AKAP7: variants seen among roughly 807,000 people sequenced by gnomAD.
AKAP7 encodes A-kinase anchoring protein 7, also known as A kinase (PRKA) anchor protein 7.
AKAP7 carries 39 observed loss-of-function variants against 39.5 expected under a neutral mutation model. That is an observed-to-expected ratio of 0.99 (90% CI 0.76 to 1.29). The LOEUF (loss-of-function observed/expected upper bound fraction) is 1.29. Among genes scored for constraint, AKAP7 ranks in the 50% most tolerant of loss-of-function variants. AKAP7 has a pLI of 0.00. For missense variants in AKAP7, 414 were observed against 407.7 expected (o/e 1.02, Z -0.13); for synonymous variants, 140 against 139.1 (o/e 1.01, Z -0.05).
intron 7 of AKAP7, among the ~76,000 whole-genome samples, chr6:131,269,634 AAAC>A (rs1814107501): frequency 6.6e-6 from 1 of 152,220 alleles, no homozygotes; most frequent in African/African-American, 2.4e-5. Flanking sequence ...AAGGAGATTT[AAAC>A]AACAGAGTGA....
chr6:131,135,707 C>G lies in AKAP7; in HGVS notation c.-57C>G. On this transcript the variant is annotated 5_prime_UTR_variant, in exon 1 of 8. Transcript: ENST00000431975. ...CGGCCTCGCCTCCAGCCCCGGGACGCGGCCCGCCACCGCCGCTGCCGCCAG... is the reference window on the plus strand; with the variant it reads ...CGGCCTCGCCTCCAGCCCCGGGACGGGGCCCGCCACCGCCGCTGCCGCCAG... 8.5e-7 allele frequency: 1 copy of G among 1,178,990 alleles called. No homozygotes were observed. Among genetic ancestry groups the G allele is most frequent in the Non-Finnish European group, 1.0e-6 (1 of 956,350 alleles). 73.0% of individuals were successfully genotyped at this position (1,178,990 alleles called of 1,614,324 possible).
chr6:131,215,382 A>G (rs1171685459), intron 6 of AKAP7, among the ~76,000 whole-genome samples: 4 of 152,200 alleles, frequency 2.6e-5, no homozygotes, highest in East Asian at 3.9e-4. Flanking sequence ...TGAAATCACC[A>G]TGCTATTCTG....
chr6:131,249,309 A>G (rs963729899), intron 7 of AKAP7, among the ~76,000 whole-genome samples: 2 of 152,232 alleles, frequency 1.3e-5, no homozygotes, highest in African/African-American at 4.8e-5. Flanking sequence ...GAAAAAAAGC[A>G]TTGAAAACAG....
At chr6:131,269,510 G>A (rs547069789) in intron 7 of AKAP7, among the ~76,000 whole-genome samples, 24 of 152,256 alleles carry the variant, frequency 1.6e-4, no homozygotes, top group Admixed American at 5.2e-4. Flanking sequence ...GGAAACCACC[G>A]TGGTTACCAT....
intron 5 of AKAP7, among the ~76,000 whole-genome samples, chr6:131,196,947 A>G (rs1806995102): frequency 6.6e-6 from 1 of 152,086 alleles, no homozygotes; most frequent in African/African-American, 2.4e-5. Flanking sequence ...CTATCCATAT[A>G]TATGTATTAT....
intron 7 of AKAP7, among the ~76,000 whole-genome samples, chr6:131,276,928 CTT>C (rs1009295264): frequency 2.0e-5 from 3 of 152,078 alleles, no homozygotes; most frequent in African/African-American, 2.4e-5. Flanking sequence ...TCAACTCACA[CTT>C]AAGACCAGCT....
At position 131,277,551 on chromosome 6, in the gene AKAP7, A is replaced by G. The variant is rs552905579; in HGVS notation, c.851-3979A>G. Among the ~76,000 whole-genome samples, 16 of 152,382 alleles carry G rather than the reference A, an allele frequency of 1.0e-4. No homozygotes were observed. The South Asian group carries it at 2.3e-3, about 22-fold the overall frequency. On this transcript the variant is annotated intron_variant, in intron 7 of 7. Transcript: ENST00000431975. Reference sequence around the variant, plus strand: ...TAGCCATTTGTCTGAGAGCTCACTGAGAGACAGATACTTGTCAGGTAGTTG... The same window carrying G: ...TAGCCATTTGTCTGAGAGCTCACTGGGAGACAGATACTTGTCAGGTAGTTG...
At chr6:131,191,275 ATGAGGTTCTT>A (rs1180379441) in intron 5 of AKAP7, among the ~76,000 whole-genome samples, 1 of 152,228 alleles carries the variant, frequency 6.6e-6, no homozygotes, top group East Asian at 1.9e-4. Flanking sequence ...ATATTTCAAC[ATGAGGTTCTT>A]TTAAAACAGT....
chr6:131,210,680 A>G (rs1305995822), intron 6 of AKAP7, among the ~76,000 whole-genome samples: 1 of 152,206 alleles, frequency 6.6e-6, no homozygotes, highest in Admixed American at 6.5e-5. Context: ...AACTTTATTT[A>G]GAGCAGAATA....
intron 5 of AKAP7, among the ~76,000 whole-genome samples, chr6:131,171,554 T>C (rs1416781837): frequency 3.3e-5 from 5 of 152,018 alleles, no homozygotes; most frequent in Non-Finnish European, 5.9e-5. Context: ...GCAGTGAAGG[T>C]AAAATAAGGG....
At chr6:131,235,112 G>T (rs937982188) in intron 7 of AKAP7, among the ~76,000 whole-genome samples, 3 of 151,794 alleles carry the variant, frequency 2.0e-5, no homozygotes, top group African/African-American at 7.3e-5. Flanking sequence ...CTGTGTCTAT[G>T]TGTTCTCATT....
At chr6:131,155,792 A>G (rs1039225307) in intron 2 of AKAP7, among the ~76,000 whole-genome samples, 3 of 152,180 alleles carry the variant, frequency 2.0e-5, no homozygotes, top group South Asian at 4.1e-4. Flanking sequence ...ATTTAACACC[A>G]CTGAAGTTTA....
chr6:131,143,278 A>G (rs974585683), intron 1 of AKAP7, among the ~76,000 whole-genome samples: 28 of 152,094 alleles, frequency 1.8e-4, no homozygotes, highest in African/African-American at 6.5e-4. Flanking sequence ...GTAATCCCCA[A>G]TGTTGGAGAT....
intron 6 of AKAP7, among the ~76,000 whole-genome samples, chr6:131,216,491 A>G (rs1190608797): frequency 6.6e-6 from 1 of 152,208 alleles, no homozygotes; most frequent in African/African-American, 2.4e-5. Context: ...TTGAGTGCCA[A>G]GTTACAACCA....
intron 6 of AKAP7, among the ~76,000 whole-genome samples, chr6:131,215,681 A>G (rs1387288162): frequency 2.6e-5 from 4 of 152,268 alleles, no homozygotes; most frequent in Admixed American, 2.6e-4. Context: ...TAATGTTTTC[A>G]TAACTTTGAA....
Position 131,219,760 on chromosome 6 carries a change from A to G in AKAP7, c.802A>G (p.Lys268Glu). The G allele has an allele frequency of 6.3e-7, 1 of 1,595,684 alleles. No homozygotes were observed. The highest frequency in any genetic ancestry group is 8.5e-7 in the Non-Finnish European group (1 of 1,172,076). ...CATAGATCTTTGCTCCATGCTGAAG[A>G]AAAAACAAAGTAATGGTTATTATCA... ...YRIDLCSMLK[K>E]KQSNGYYHCE... Residue 268 changes from lysine (K) to glutamate (E), a missense_variant, in exon 7 of 8, where the codon AAA becomes GAA. Coordinates refer to ENST00000431975, the MANE Select transcript of AKAP7 (RefSeq NM_016377.4).
intron 7 of AKAP7, among the ~76,000 whole-genome samples, chr6:131,256,708 C>CATTATTATT (rs3836928): frequency 0.03 from 4,499 of 148,462 alleles, 103 homozygotes; most frequent in East Asian, 0.08. Context: ...CTTCCTGGGA[C>CATTATTATT]ATTATTATTA....
intron 7 of AKAP7, among the ~76,000 whole-genome samples, chr6:131,275,078 T>C (rs1329597306): frequency 6.6e-6 from 1 of 152,240 alleles, no homozygotes; most frequent in Non-Finnish European, 1.5e-5. Context: ...CTGTATCTTA[T>C]TCATTTTTAC....
At chr6:131,189,889 GA>G (rs1319822528) in intron 5 of AKAP7, among the ~76,000 whole-genome samples, 3 of 152,158 alleles carry the variant, frequency 2.0e-5, no homozygotes, top group Non-Finnish European at 4.4e-5. Flanking sequence ...TGTGTTTTGT[GA>G]TTTTTGGTTT....
Sources: gnomAD v4.1 joint callset for allele counts (sites outside exome capture counted in the v4.1 genomes callset) on GRCh38, gnomAD v4.1.1 for gene constraint, MANE v1.5 for transcripts, NCBI Gene and HGNC (gene_info 2026-07-23, HGNC 2026-07-21) for gene names.